Variants in DNAAF4 observed in about 807,000 individuals in gnomAD.
DNAAF4 encodes dynein axonemal assembly factor 4.
A neutral mutation model predicts 51.8 loss-of-function variants in DNAAF4; 43 were observed. The observed-to-expected ratio is 0.83, with a 90% CI of 0.65 to 1.07. The LOEUF is 1.07. Ranked by LOEUF, DNAAF4 falls within the 50% of genes least tolerant of loss-of-function variation. DNAAF4 has a pLI of 0.00. For missense variants in DNAAF4, 581 were observed against 493.0 expected (o/e 1.18, Z -1.69); for synonymous variants, 194 against 165.6 (o/e 1.17, Z -1.32).
chr15:55,499,316 T>A (rs551571697), intron 1 of DNAAF4, among the ~76,000 whole-genome samples: 2 of 152,328 alleles, frequency 1.3e-5, no homozygotes, highest in African/African-American at 4.8e-5. Context: ...AGGGCTCACC[T>A]GCCTCAACCA....
At chr15:55,445,853 G>C (rs2057794214) in intron 6 of DNAAF4, among the ~76,000 whole-genome samples, 1 of 146,320 alleles carries the variant, frequency 6.8e-6, no homozygotes, top group Non-Finnish European at 1.5e-5. Flanking sequence ...AGACGGGGCA[G>C]CCGGGCAGAG....
In DNAAF4 at chr15:55,497,716, C is replaced by A; in HGVS notation, c.267G>T (p.Thr89=). 6.2e-7 allele frequency: 1 copy of A among 1,602,900 alleles called. No individual in the cohort carries two copies. Among genetic ancestry groups the A allele is most frequent in the Non-Finnish European group, 8.5e-7 (1 of 1,176,426 alleles). The change falls in exon 3 of 10, where the codon ACG becomes ACT. Residue 89 remains threonine (T), a synonymous_variant. Transcript: ENST00000321149. ...ATCTTTTAATAAAGAACTTACCACC[C>A]GTCACAGAAAGGGTCTCCCACATGG... ...EAAMWETLSV[T]GVDKEMMQRI...
chr15:55,499,138 A>G (rs1255552231), intron 1 of DNAAF4, among the ~76,000 whole-genome samples: 1 of 152,074 alleles, frequency 6.6e-6, no homozygotes, highest in Non-Finnish European at 1.5e-5. Flanking sequence ...TCTTGGTCAT[A>G]CAGACTGTGA....
At chr15:55,499,390 C>T (rs1371908289) in intron 1 of DNAAF4, among the ~76,000 whole-genome samples, 1 of 152,146 alleles carries the variant, frequency 6.6e-6, no homozygotes, top group East Asian at 1.9e-4. Context: ...TTTGTATAAA[C>T]GAACCTGACT....
At chr15:55,462,236 C>A (rs570127983) in intron 5 of DNAAF4, among the ~76,000 whole-genome samples, 1 of 152,226 alleles carries the variant, frequency 6.6e-6, no homozygotes, top group East Asian at 1.9e-4. Context: ...CTCTTGCCCC[C>A]AGGCTGGAAT....
chr15:55,428,488 T>TC (rs1438865107), downstream of DNAAF4, among the ~76,000 whole-genome samples: 4 of 109,542 alleles, frequency 3.7e-5, no homozygotes, highest in African/African-American at 6.4e-5. Context: ...TTTTTTCTTT[T>TC]TTTTTTTTTT....
intron 2 of DNAAF4, 83 bp downstream of exon 2, chr15:55,498,124 C>A: frequency 1.2e-6 from 2 of 1,600,976 alleles, no homozygotes; most frequent in South Asian, 1.1e-5. Flanking sequence ...CAAAGATGAG[C>A]CTGTTGCTCG....
chr15:55,492,749 A>G (rs553889755), intron 3 of DNAAF4, among the ~76,000 whole-genome samples: 1 of 152,224 alleles, frequency 6.6e-6, no homozygotes, highest in East Asian at 1.9e-4. Context: ...CATGTTGGCC[A>G]GGATGGTCTT....
At chr15:55,482,674 A>G (rs1367374355) in intron 4 of DNAAF4, among the ~76,000 whole-genome samples, 1 of 152,116 alleles carries the variant, frequency 6.6e-6, no homozygotes, top group Non-Finnish European at 1.5e-5. Context: ...GCAAGATTCC[A>G]TCTCAAAAAC....
chr15:55,489,910 G>A (rs990109070), intron 4 of DNAAF4, among the ~76,000 whole-genome samples: 1 of 145,452 alleles, frequency 6.9e-6, no homozygotes, highest in African/African-American at 2.6e-5. Context: ...GTCTCACTCT[G>A]TCGCCCAGGC....
At chr15:55,426,497 G>A (rs774265081), downstream of DNAAF4, among the ~76,000 whole-genome samples, 3 of 152,190 alleles carry the variant, frequency 2.0e-5, no homozygotes, top group East Asian at 1.9e-4. Context: ...AACCAAGATG[G>A]AGTCTGTTAG....
intron 4 of DNAAF4, among the ~76,000 whole-genome samples, chr15:55,473,662 T>G (rs1349938732): frequency 6.6e-6 from 1 of 151,982 alleles, no homozygotes; most frequent in Non-Finnish European, 1.5e-5. Flanking sequence ...ATAAGCTGGA[T>G]AGAAGGACCA....
intron 1 of DNAAF4, among the ~76,000 whole-genome samples, chr15:55,504,846 AG>A (rs2058718086): frequency 6.6e-6 from 1 of 152,262 alleles, no homozygotes; most frequent in Non-Finnish European, 1.5e-5. Context: ...AATACCATTT[AG>A]GACATAGGCA....
Position 55,498,211 on chromosome 15 carries a change from A to C in DNAAF4, c.119T>G (p.Leu40Arg), listed in dbSNP as rs1223602232. 1 of 1,614,034 alleles carries C rather than the reference A, an allele frequency of 6.2e-7. No individual in the cohort carries two copies. Among genetic ancestry groups the C allele is most frequent in the East Asian group, 2.2e-5 (1 of 44,860 alleles). Residue 40 changes from leucine (L) to arginine (R), a missense_variant, in exon 2 of 10, where the codon CTG (leucine) becomes CGG (arginine). Coordinates refer to ENST00000321149, the MANE Select transcript of DNAAF4 (RefSeq NM_130810.4). ...AGGCAAGACTTGCATTCTTACCTTC[A>C]GATAGTTTTCCGTGCAGAACACGTC... ...DTDVFCTENY[L>R]KVNFPPFLFE...
intron 4 of DNAAF4, among the ~76,000 whole-genome samples, chr15:55,471,614 T>C (rs1267968521): frequency 2.0e-5 from 3 of 148,390 alleles, no homozygotes; most frequent in African/African-American, 5.0e-5. Context: ...CCCGGGTTCA[T>C]GCCATTCTCC....
At chr15:55,428,529 CT>C (rs1348840581), downstream of DNAAF4, among the ~76,000 whole-genome samples, 1 of 92,476 alleles carries the variant, frequency 1.1e-5, no homozygotes. Flanking sequence ...GAGTCTTGCT[CT>C]TTCACCCAGG....
At position 55,430,471 on chromosome 15, in the gene DNAAF4, G is replaced by C; in HGVS notation, c.*199C>G. 9.2e-7 allele frequency: 1 copy of C among 1,086,958 alleles called. No individual in the cohort carries two copies. 67.3% of individuals were successfully genotyped at this position (1,086,958 alleles called of 1,614,324 possible). On this transcript the variant is annotated 3_prime_UTR_variant, in exon 10 of 10. Coordinates refer to ENST00000321149, the MANE Select transcript of DNAAF4 (RefSeq NM_130810.4). ...TATGAAGAAATAAGGAATTAAAATAGATTCTTATTTAGATTTACTTATTCA... is the reference window on the plus strand; with the variant it reads ...TATGAAGAAATAAGGAATTAAAATACATTCTTATTTAGATTTACTTATTCA...
In DNAAF4 at chr15:55,442,732, A is replaced by C. The variant is rs2057733944; in HGVS notation, c.784-3151T>G. ...ACTCTGAACATTACTGGAAACAAAA[A>C]ATTTCTTTCCTTCAACTTTATCAAG... On this transcript the variant is annotated intron_variant, in intron 6 of 9. Coordinates refer to ENST00000321149, the MANE Select transcript of DNAAF4 (RefSeq NM_130810.4). The C allele has an allele frequency of 5.1e-6, 8 of 1,555,882 alleles. No individual in the cohort carries two copies. The African/African-American group carries it at 5.4e-5, about 11-fold the overall frequency.
intron 4 of DNAAF4, among the ~76,000 whole-genome samples, chr15:55,468,264 A>G (rs2058198272): frequency 6.6e-6 from 1 of 152,190 alleles, no homozygotes; most frequent in Admixed American, 6.5e-5. Context: ...AAACCTGTGC[A>G]CTGAAAGGTG....
Sources: allele counts gnomAD v4.1 joint callset (sites outside exome capture counted in the v4.1 genomes callset), GRCh38; gene constraint gnomAD v4.1.1; transcripts MANE v1.5; gene names NCBI Gene and HGNC (gene_info 2026-07-23, HGNC 2026-07-21).